The following RAB27B variants were observed in gnomAD, a reference collection of about 807,000 sequenced individuals.
RAB27B encodes RAB27B, member RAS oncogene family.
Under a neutral mutation model 24.6 loss-of-function variants are expected in RAB27B, and 15 were observed. The observed-to-expected ratio is 0.61, with a 90% CI of 0.41 to 0.94. The LOEUF (loss-of-function observed/expected upper bound fraction) is 0.94, where lower values mean the gene tolerates loss of function less well. RAB27B is among the 40% of genes least tolerant of loss of function. The pLI is 0.00. For synonymous variants in RAB27B, 105 were observed against 92.5 expected (o/e 1.14, Z -0.78); for missense variants, 261 against 266.8 (o/e 0.98, Z 0.15).
At chr18:54,749,339 C>T (rs534592761) in intron 2 of RAB27B, among the ~76,000 whole-genome samples, 2 of 152,274 alleles carry the variant, frequency 1.3e-5, no homozygotes, top group South Asian at 4.1e-4. Context: ...AAAGCACTCG[C>T]ATGCTGAAAC....
intron 2 of RAB27B, among the ~76,000 whole-genome samples, chr18:54,801,004 C>T (rs1598913938): frequency 1.8e-5 from 2 of 113,918 alleles, no homozygotes; most frequent in African/African-American, 7.1e-5. Flanking sequence ...TGTTTTGTTC[C>T]TGTGTTTTTT....
At chr18:54,817,585 C>T (rs571298665) in intron 2 of RAB27B, among the ~76,000 whole-genome samples, 1 of 152,154 alleles carries the variant, frequency 6.6e-6, no homozygotes, top group East Asian at 1.9e-4. Context: ...AAATAAGTCT[C>T]TTAGAGCCAT....
rs1332745737 is a variant in RAB27B, at chr18:54,893,146, A to G, written c.*3733A>G. 6.6e-6 allele frequency: 1 copy of G among 152,056 alleles called. No homozygotes were observed. Among genetic ancestry groups the G allele is most frequent in the Non-Finnish European group, 1.5e-5 (1 of 67,940 alleles). The allele number at this position is 152,056 out of a possible 1,614,324, so 9.4% of individuals were successfully genotyped here. On this transcript the variant is annotated 3_prime_UTR_variant, in exon 6 of 6. Transcript: ENST00000262094. The stretch of plus-strand genomic sequence containing the variant: ...GTGTATAACCTTGTGTTCATGAAAC[A>G]GGTTGTTCATTGTTCTGCATCTCTC...
Position 54,845,426 on chromosome 18 carries a change from A to G in RAB27B, c.-20+16726A>G, listed in dbSNP as rs546193045. Among the ~76,000 whole-genome samples the G allele has an allele frequency of 8.9e-3, 1,052 of 118,130 alleles. 6 individuals carry two copies. Among genetic ancestry groups the G allele is most frequent in the Non-Finnish European group, 0.013 (717 of 55,268 alleles). 77.5% of individuals were successfully genotyped at this position (118,130 alleles called of 152,430 possible). A position where few individuals can be genotyped will look rare whatever the true frequency, so the allele number is the denominator to read the frequency against. On this transcript the variant is annotated intron_variant, in intron 1 of 5. Transcript: ENST00000262094. ...ATCTCAAAAAAAAAAAAAATAAAAT[A>G]AAATCTATTTAGGAAGAAAATACGT...
intron 2 of RAB27B, among the ~76,000 whole-genome samples, chr18:54,804,315 A>G (rs1241534412): frequency 2.0e-5 from 3 of 152,206 alleles, no homozygotes; most frequent in African/African-American, 7.2e-5. Flanking sequence ...CATGTTGGTC[A>G]GGGGCAGGTA....
chr18:54,855,648 C>T (rs1410791013), intron 1 of RAB27B, among the ~76,000 whole-genome samples: 1 of 152,134 alleles, frequency 6.6e-6, no homozygotes, highest in Non-Finnish European at 1.5e-5. Flanking sequence ...CTGAAAACCA[C>T]AGAAGCAAAA....
chr18:54,887,905 G>A (rs1030467707), intron 4 of RAB27B, 90 bp from the exon 5 acceptor site: 2 of 1,462,102 alleles, frequency 1.4e-6, no homozygotes, highest in African/African-American at 2.8e-5. Context: ...CTGGAGATAA[G>A]CAATTAGATC....
chr18:54,843,938 C>T (rs1172610989), intron 1 of RAB27B, among the ~76,000 whole-genome samples: 1 of 152,124 alleles, frequency 6.6e-6, no homozygotes, highest in Non-Finnish European at 1.5e-5. Flanking sequence ...TTTAGGACCA[C>T]AGTCCAAACA....
intron 2 of RAB27B, among the ~76,000 whole-genome samples, chr18:54,720,798 G>A (rs1909336549): frequency 2.0e-5 from 3 of 152,038 alleles, no homozygotes; most frequent in African/African-American, 4.8e-5. Flanking sequence ...AATAACAAAC[G>A]GTCCTTTTTT....
intron 1 of RAB27B, among the ~76,000 whole-genome samples, chr18:54,867,337 A>G (rs1345543643): frequency 2.0e-5 from 3 of 151,766 alleles, no homozygotes; most frequent in Non-Finnish European, 4.4e-5. Flanking sequence ...CCCATTGCAG[A>G]GTGGTACTGA....
At chr18:54,720,985 C>G in intron 2 of RAB27B, among the ~76,000 whole-genome samples, 1 of 152,050 alleles carries the variant, frequency 6.6e-6, no homozygotes, top group East Asian at 1.9e-4. Context: ...TGTGTCATCT[C>G]CACATCAGTT....
rs1913390574 is a variant in RAB27B, at chr18:54,892,111, A to G, written c.*2698A>G. ...TCCAAATCCCCTAATTTACCCCACA[A>G]CAGCATGTAATTTTAGCCAAGATAT... On this transcript the variant is annotated 3_prime_UTR_variant, in exon 6 of 6. Transcript: ENST00000262094. The G allele has an allele frequency of 6.6e-6, 1 of 152,068 alleles. No individual in the cohort carries two copies. The highest frequency in any genetic ancestry group is 1.5e-5 in the Non-Finnish European group (1 of 67,990). 9.4% of individuals were successfully genotyped at this position (152,068 alleles called of 1,614,324 possible). A position where few individuals can be genotyped will look rare whatever the true frequency, so the allele number is the denominator to read the frequency against.
intron 2 of RAB27B, among the ~76,000 whole-genome samples, chr18:54,775,608 T>A (rs1908690603): frequency 6.6e-6 from 1 of 152,212 alleles, no homozygotes; most frequent in African/African-American, 2.4e-5. Flanking sequence ...GTGAATTGAA[T>A]CTGACATATG....
intron 2 of RAB27B, among the ~76,000 whole-genome samples, chr18:54,820,032 G>C (rs1002232399): frequency 6.6e-6 from 1 of 152,070 alleles, no homozygotes; most frequent in Non-Finnish European, 1.5e-5. Flanking sequence ...TTGGACATAT[G>C]GCTTGGTTCC....
intron 3 of RAB27B, among the ~76,000 whole-genome samples, chr18:54,882,130 T>A (rs1324116919): frequency 6.6e-6 from 1 of 152,200 alleles, no homozygotes; most frequent in Non-Finnish European, 1.5e-5. Flanking sequence ...TTGGTATTTC[T>A]GCTCTACAGT....
At chr18:54,786,300 C>T (rs1319888486) in intron 2 of RAB27B, among the ~76,000 whole-genome samples, 2 of 152,220 alleles carry the variant, frequency 1.3e-5, no homozygotes, top group African/African-American at 2.4e-5. Flanking sequence ...CCTTTGACAA[C>T]ACTTACTGCC....
chr18:54,875,940 T>C (rs1298561518), intron 1 of RAB27B, among the ~76,000 whole-genome samples: 2 of 152,188 alleles, frequency 1.3e-5, no homozygotes, highest in African/African-American at 2.4e-5. Flanking sequence ...TAGAATTATC[T>C]AGTGATTTTA....
At chr18:54,782,955 A>G (rs910148412) in intron 2 of RAB27B, among the ~76,000 whole-genome samples, 7 of 151,150 alleles carry the variant, frequency 4.6e-5, no homozygotes, top group Non-Finnish European at 1.0e-4. Context: ...GAGTCTCATA[A>G]TAACTTTTTT....
At chr18:54,821,985 T>C (rs1029679268) in intron 2 of RAB27B, among the ~76,000 whole-genome samples, 8 of 152,138 alleles carry the variant, frequency 5.3e-5, no homozygotes, top group African/African-American at 1.9e-4. Context: ...ACTCCTGACC[T>C]CAGGTGATCC....
Sources: allele counts gnomAD v4.1 joint callset (sites outside exome capture counted in the v4.1 genomes callset), GRCh38; gene constraint gnomAD v4.1.1; transcripts MANE v1.5; gene names NCBI Gene and HGNC (gene_info 2026-07-23, HGNC 2026-07-21).